Variants in AOAH observed in about 807,000 individuals in gnomAD.
AOAH encodes the protein acyloxyacyl hydrolase (neutrophil).
AOAH carries 64 observed loss-of-function variants against 92.2 expected under a neutral mutation model. The ratio of observed to expected loss-of-function variants is 0.69; its 90% CI spans 0.57 to 0.86. AOAH has a LOEUF of 0.86. Ranked by LOEUF, AOAH falls within the 40% of genes least tolerant of loss-of-function variation. AOAH has a pLI of 0.00. For missense variants in AOAH, 656 were observed against 694.6 expected (o/e 0.94, Z 0.62); for synonymous variants, 263 against 254.5 (o/e 1.03, Z -0.32).
intron 3 of AOAH, among the ~76,000 whole-genome samples, chr7:36,669,325 C>T (rs1795756875): frequency 6.7e-6 from 1 of 149,250 alleles, no homozygotes; most frequent in South Asian, 2.1e-4. Flanking sequence ...TTAATTATTT[C>T]TATAAATCTT....
chr7:36,679,284 A>G (rs1165857018), intron 2 of AOAH, among the ~76,000 whole-genome samples: 1 of 151,270 alleles, frequency 6.6e-6, no homozygotes, highest in African/African-American at 2.4e-5. Flanking sequence ...TTAAAGTACA[A>G]TAAATATATA....
chr7:36,569,390 G>A (rs776417224), intron 13 of AOAH, among the ~76,000 whole-genome samples: 18 of 151,868 alleles, frequency 1.2e-4, no homozygotes, highest in Non-Finnish European at 2.4e-4. Flanking sequence ...TTCAGACCTG[G>A]GATTGGTTTC....
At chr7:36,659,626 C>T (rs2116528429) in intron 3 of AOAH, among the ~76,000 whole-genome samples, 1 of 152,254 alleles carries the variant, frequency 6.6e-6, no homozygotes, top group African/African-American at 2.4e-5. Flanking sequence ...GAAGTTTGGG[C>T]CTTTGAAACA....
intron 4 of AOAH, among the ~76,000 whole-genome samples, chr7:36,655,978 G>A (rs1053832318): frequency 3.9e-5 from 6 of 152,306 alleles, no homozygotes; most frequent in African/African-American, 1.2e-4. Flanking sequence ...CATGTAAGCT[G>A]AGCCATGAAC....
chr7:36,603,130 G>C (rs1236138896), intron 11 of AOAH, among the ~76,000 whole-genome samples: 1 of 152,134 alleles, frequency 6.6e-6, no homozygotes, highest in Non-Finnish European at 1.5e-5. Flanking sequence ...TGGGGCCCTA[G>C]TATCTCATTT....
At chr7:36,666,181 G>GT (rs1417591238) in intron 3 of AOAH, among the ~76,000 whole-genome samples, 3 of 151,930 alleles carry the variant, frequency 2.0e-5, no homozygotes, top group Non-Finnish European at 4.4e-5. Context: ...AGGGCTTCGT[G>GT]TTTTTTGTTT....
At chr7:36,584,720 T>G (rs1024836654) in intron 12 of AOAH, among the ~76,000 whole-genome samples, 1 of 152,214 alleles carries the variant, frequency 6.6e-6, no homozygotes, top group Non-Finnish European at 1.5e-5. Flanking sequence ...TTTTTACATA[T>G]TTTTACATAT....
intron 19 of AOAH, among the ~76,000 whole-genome samples, chr7:36,524,664 A>C (rs550551577): frequency 6.6e-6 from 1 of 152,078 alleles, no homozygotes; most frequent in South Asian, 2.1e-4. Context: ...AGACAGTGTG[A>C]GACTCTGTCT....
intron 4 of AOAH, among the ~76,000 whole-genome samples, chr7:36,655,726 A>C (rs1386168326): frequency 6.6e-6 from 1 of 152,164 alleles, no homozygotes; most frequent in Non-Finnish European, 1.5e-5. Flanking sequence ...AGCTAGTGGC[A>C]CTTTACCCGT....
chr7:36,516,450 CACAG>C lies in AOAH; in HGVS notation c.1600-3074_1600-3071del, dbSNP rs199672318. ...AGCACGCAGATACCCCCCCCACACACACAGAAAGTGCACGGATACCACACACACA... is the reference window on the plus strand; with the variant it reads ...AGCACGCAGATACCCCCCCCACACACAAAGTGCACGGATACCACACACACA... On this transcript the variant is annotated intron_variant, in intron 20 of 20. Coordinates refer to ENST00000617537, the MANE Select transcript of AOAH (RefSeq NM_001637.4). The surrounding 1 kb of genome is among the most constrained non-coding windows in gnomAD (Gnocchi z 5.0). Among the ~76,000 whole-genome samples, 15 of 109,210 alleles carry C rather than the reference CACAG, an allele frequency of 1.4e-4. 1 individual carries two copies. The highest frequency in any genetic ancestry group is 3.3e-4 in the South Asian group (1 of 2,990). 71.6% of individuals were successfully genotyped at this position (109,210 alleles called of 152,430 possible). A position where few individuals can be genotyped will look rare whatever the true frequency, so the allele number is the denominator to read the frequency against.
chr7:36,630,028 A>G (rs1285309841), intron 6 of AOAH, among the ~76,000 whole-genome samples: 2 of 152,126 alleles, frequency 1.3e-5, no homozygotes, highest in Non-Finnish European at 1.5e-5. Flanking sequence ...CCCAGGGAAG[A>G]TGGCCAAATA....
At chr7:36,623,054 A>C in intron 7 of AOAH, 136 bp downstream of exon 7, 1 of 818,462 alleles carries the variant, frequency 1.2e-6, no homozygotes, top group South Asian at 1.5e-5. Context: ...AAAGAAAAGA[A>C]ATTGTGAAAT....
chr7:36,699,152 G>C (rs2116875376), intron 1 of AOAH, among the ~76,000 whole-genome samples: 1 of 152,148 alleles, frequency 6.6e-6, no homozygotes, highest in Middle Eastern at 3.4e-3. Context: ...CTTTATTGCG[G>C]TGGAATAATA....
At chr7:36,609,264 A>C (rs1791240651) in intron 11 of AOAH, among the ~76,000 whole-genome samples, 1 of 152,098 alleles carries the variant, frequency 6.6e-6, no homozygotes, top group African/African-American at 2.4e-5. Flanking sequence ...TACAACTAGA[A>C]TTTTCCTAGC....
chr7:36,662,972 G>A (rs1795306938), intron 3 of AOAH, among the ~76,000 whole-genome samples: 1 of 152,194 alleles, frequency 6.6e-6, no homozygotes, highest in African/African-American at 2.4e-5. Flanking sequence ...GAATGTGCAA[G>A]ATGCATAAGA....
chr7:36,571,698 C>G (rs983924551), intron 13 of AOAH, among the ~76,000 whole-genome samples: 1 of 152,184 alleles, frequency 6.6e-6, no homozygotes, highest in African/African-American at 2.4e-5. Flanking sequence ...GCCTGATACT[C>G]CAGGCCAATT....
At chr7:36,604,808 C>G (rs1429303855) in intron 11 of AOAH, among the ~76,000 whole-genome samples, 1 of 151,952 alleles carries the variant, frequency 6.6e-6, no homozygotes, top group Non-Finnish European at 1.5e-5. Flanking sequence ...ACTCTGTGAC[C>G]ACAGCTGAGC....
At position 36,724,350 on chromosome 7, in the gene AOAH, C is replaced by T; in HGVS notation, c.-202G>A. On this transcript the variant is annotated 5_prime_UTR_variant, in exon 1 of 21. It adds an upstream start codon to the 5' untranslated region. Transcript: ENST00000617537. ...GCACACATAAACACTCACAGACCCA[C>T]AGCTTGCTCTTGTTGGACCCTGAGA... 1 of 475,480 alleles carries T rather than the reference C, an allele frequency of 2.1e-6. No individual in the cohort carries two copies. Among genetic ancestry groups the T allele is most frequent in the Non-Finnish European group, 3.8e-6 (1 of 265,998 alleles). The allele number at this position is 475,480 out of a possible 1,614,324, so 29.5% of individuals were successfully genotyped here. A position where few individuals can be genotyped will look rare whatever the true frequency, so the allele number is the denominator to read the frequency against.
At chr7:36,555,183 T>G (rs1786607966) in intron 13 of AOAH, among the ~76,000 whole-genome samples, 1 of 151,170 alleles carries the variant, frequency 6.6e-6, no homozygotes, top group Admixed American at 6.6e-5. Flanking sequence ...TATTGAGAGT[T>G]TTTAGCATGA....
Sources: gnomAD v4.1 joint callset for allele counts (sites outside exome capture counted in the v4.1 genomes callset) on GRCh38, gnomAD v4.1.1 for gene constraint, Gnocchi (gnomAD v3.1) non-coding constraint, MANE v1.5 for transcripts, NCBI Gene and HGNC (gene_info 2026-07-23, HGNC 2026-07-21) for gene names.